The following IPO11 variants were observed in gnomAD, a reference collection of about 807,000 sequenced individuals.
The protein encoded by IPO11 is importin 11.
Under a neutral mutation model 143.2 loss-of-function variants are expected in IPO11, and 66 were observed. That is an observed-to-expected ratio of 0.46 (90% CI 0.38 to 0.57). The LOEUF (loss-of-function observed/expected upper bound fraction) is 0.57. Ranked by LOEUF, IPO11 falls within the 20% of genes least tolerant of loss-of-function variation. The pLI, the probability that IPO11 is intolerant of heterozygous loss-of-function variation, is 0.00. For missense variants in IPO11, 1,026 were observed against 1,141.0 expected, an observed-to-expected ratio of 0.90 and a Z score of 1.45; for synonymous variants, 385 against 377.8, an observed-to-expected ratio of 1.02 and a Z score of -0.22.
At chr5:62,543,521 C>T (rs751933073) in intron 24 of IPO11, among the ~76,000 whole-genome samples, 4 of 152,170 alleles carry the variant, frequency 2.6e-5, no homozygotes, top group South Asian at 2.1e-4. Flanking sequence ...TCTGTGCGAT[C>T]GGTAGTGATA....
chr5:62,596,553 C>CA (rs1745228636), intron 28 of IPO11, among the ~76,000 whole-genome samples: 1 of 152,104 alleles, frequency 6.6e-6, no homozygotes, highest in Non-Finnish European at 1.5e-5. Context: ...ACCAGTAGAA[C>CA]AGCCTGGGAT....
chr5:62,597,864 T>C (rs1292975236), intron 28 of IPO11, among the ~76,000 whole-genome samples: 1 of 152,200 alleles, frequency 6.6e-6, no homozygotes, highest in Admixed American at 6.5e-5. Flanking sequence ...CACTAATGAC[T>C]GTAGGTAAGT....
At chr5:62,484,310 A>G in intron 11 of IPO11, 148 bp downstream of exon 11, 1 of 605,822 alleles carries the variant, frequency 1.7e-6, no homozygotes, top group Non-Finnish European at 2.6e-6. Flanking sequence ...TTTCGTTGTT[A>G]TCCATTAGAA....
At chr5:62,581,589 G>T in intron 27 of IPO11, 1 of 283,150 alleles carries the variant, frequency 3.5e-6, no homozygotes, top group East Asian at 7.2e-5. Flanking sequence ...TTGAAAGGTG[G>T]CACTATTTAT....
intron 3 of IPO11, among the ~76,000 whole-genome samples, chr5:62,444,618 GTAA>G (rs1744645945): frequency 6.6e-6 from 1 of 151,928 alleles, no homozygotes; most frequent in Admixed American, 6.6e-5. Flanking sequence ...GCTCACACCT[GTAA>G]TCCCAGCACT....
At chr5:62,513,724 G>C (rs1741883016) in intron 19 of IPO11, among the ~76,000 whole-genome samples, 1 of 149,700 alleles carries the variant, frequency 6.7e-6, no homozygotes, top group Non-Finnish European at 1.5e-5. Context: ...GGCTGGCCGG[G>C]TGGGGGGCTG....
rs769189696 is a variant in IPO11, at chr5:62,489,369, T to G, written c.1357+20T>G. 6.7e-7 allele frequency: 1 copy of G among 1,501,948 alleles called. No homozygotes were observed. 93.0% of individuals were successfully genotyped at this position (1,501,948 alleles called of 1,614,324 possible). A position where few individuals can be genotyped will look rare whatever the true frequency, so the allele number is the denominator to read the frequency against. ...ATGCTGGTATGTTAAACTTAAGTGA[T>G]TTAGAAGCATTTATTTATTCAGTAG... On this transcript the variant is annotated intron_variant, in intron 14 of 29. Transcript: ENST00000325324.
chr5:62,583,869 C>T (rs1744657520), intron 27 of IPO11, among the ~76,000 whole-genome samples: 1 of 152,120 alleles, frequency 6.6e-6, no homozygotes, highest in African/African-American at 2.4e-5. Flanking sequence ...CTTAAGATTT[C>T]TGTATTTCTC....
intron 27 of IPO11, chr5:62,578,836 C>G: frequency 2.6e-6 from 1 of 387,918 alleles, no homozygotes; most frequent in Admixed American, 3.4e-5. Context: ...TCAGCAGTGC[C>G]ACAGAACAAA....
intron 5 of IPO11, among the ~76,000 whole-genome samples, chr5:62,455,936 G>A (rs1306168117): frequency 6.6e-6 from 1 of 152,070 alleles, no homozygotes; most frequent in Non-Finnish European, 1.5e-5. Flanking sequence ...TGTTGCCCAG[G>A]TTGGCCTCAA....
At chr5:62,552,913 A>G (rs1178006785) in intron 26 of IPO11, among the ~76,000 whole-genome samples, 2 of 152,190 alleles carry the variant, frequency 1.3e-5, no homozygotes, top group Admixed American at 1.3e-4. Flanking sequence ...AAATCAGGGT[A>G]ATTGACATAT....
intron 2 of IPO11, among the ~76,000 whole-genome samples, chr5:62,440,360 T>C (rs1309145176): frequency 6.7e-6 from 1 of 150,132 alleles, no homozygotes; most frequent in African/African-American, 2.5e-5. Context: ...TTTTTTTTTT[T>C]TTTTTTTTAT....
intron 5 of IPO11, among the ~76,000 whole-genome samples, chr5:62,462,713 A>G (rs1260443778): frequency 6.6e-6 from 1 of 152,096 alleles, no homozygotes; most frequent in Middle Eastern, 3.2e-3. Flanking sequence ...AATACTTCAG[A>G]AAAATCTGAC....
intron 1 of IPO11, among the ~76,000 whole-genome samples, chr5:62,416,855 G>T (rs932382657): frequency 6.6e-6 from 1 of 151,760 alleles, no homozygotes; most frequent in East Asian, 1.9e-4. Flanking sequence ...CTCTCTGGTG[G>T]CTGGGACCAC....
chr5:62,626,354 A>G (rs1746577058), intron 29 of IPO11, among the ~76,000 whole-genome samples: 1 of 152,118 alleles, frequency 6.6e-6, no homozygotes, highest in South Asian at 2.1e-4. Flanking sequence ...TACATGGTAC[A>G]TTTATCAAAA....
intron 5 of IPO11, among the ~76,000 whole-genome samples, chr5:62,463,263 C>T (rs1013289037): frequency 6.6e-6 from 1 of 152,114 alleles, no homozygotes; most frequent in African/African-American, 2.4e-5. Flanking sequence ...CTAGGTGGGT[C>T]TTCAACTCCT....
At chr5:62,413,541 T>C (rs1219190037) in intron 1 of IPO11, 1 of 152,198 alleles carries the variant, frequency 6.6e-6, no homozygotes, top group Non-Finnish European at 1.5e-5. Context: ...ACGTGTGTCA[T>C]TTTTTCTTTA....
At chr5:62,504,620 T>A (rs770805281) in intron 16 of IPO11, 47 bp from the exon 17 acceptor site, 32 of 1,138,756 alleles carry the variant, frequency 2.8e-5, no homozygotes, top group Non-Finnish European at 3.9e-5. Context: ...TTAATGATGT[T>A]TAGTCATTCT....
Position 62,494,007 on chromosome 5 carries a change from A to G in IPO11, c.1473A>G (p.Pro491=), listed in dbSNP as rs1254737198. The G allele has an allele frequency of 6.2e-7, 1 of 1,612,456 alleles. No homozygotes were observed. The highest frequency in any genetic ancestry group is 8.5e-7 in the Non-Finnish European group (1 of 1,179,098). The part of the protein sequence containing the change: ...ELQVIHNRYK[P]LRRRVIWLIG... ...ATTTTTTCCTGTTTAGGTATAAGCC[A>G]TTGCGACGCAGGGTGATTTGGCTCA... The change falls in exon 16 of 30, where the codon CCA becomes CCG. Residue 491 remains proline, a synonymous_variant. Transcript: ENST00000325324.
Sources: gnomAD v4.1 joint callset for allele counts (sites outside exome capture counted in the v4.1 genomes callset) on GRCh38, gnomAD v4.1.1 for gene constraint, MANE v1.5 for transcripts, NCBI Gene and HGNC (gene_info 2026-07-23, HGNC 2026-07-21) for gene names.